TMC7: variants seen among roughly 807,000 people sequenced by gnomAD.
The protein encoded by TMC7 is transmembrane channel like 7.
In TMC7, 54 loss-of-function variants were observed where a neutral mutation model predicts 82.9. The ratio of observed to expected loss-of-function variants is 0.65; its 90% CI spans 0.52 to 0.82. The LOEUF (loss-of-function observed/expected upper bound fraction) is 0.82, where lower values mean the gene tolerates loss of function less well. TMC7 is among the 40% of genes least tolerant of loss of function. TMC7 has a pLI of 0.00. For synonymous variants in TMC7, 350 were observed against 337.9 expected (o/e 1.04, Z -0.39); for missense variants, 820 against 901.2 (o/e 0.91, Z 1.15).
intron 13 of TMC7, among the ~76,000 whole-genome samples, chr16:19,056,229 G>A (rs1421036635): frequency 6.6e-6 from 1 of 151,838 alleles, no homozygotes; most frequent in Admixed American, 6.6e-5. Flanking sequence ...AGCTGGGTGG[G>A]CATGCACCAC....
At chr16:19,050,323 C>T (rs1041114199) in intron 12 of TMC7, among the ~76,000 whole-genome samples, 3 of 132,750 alleles carry the variant, frequency 2.3e-5, no homozygotes, top group Non-Finnish European at 4.6e-5. Flanking sequence ...GCCGAGATCG[C>T]GCTACTACAC....
intron 1 of TMC7, among the ~76,000 whole-genome samples, chr16:18,989,848 T>A (rs558189232): frequency 2.6e-5 from 4 of 151,724 alleles, no homozygotes; most frequent in South Asian, 2.1e-4. Flanking sequence ...TTTGAGATGA[T>A]ATCTAGCTCT....
intron 11 of TMC7, among the ~76,000 whole-genome samples, chr16:19,046,850 T>G (rs1035875005): frequency 1.4e-5 from 2 of 147,728 alleles, no homozygotes; most frequent in Non-Finnish European, 3.0e-5. Flanking sequence ...AAAAAAAAAG[T>G]CAAGGATTGT....
rs1460083689 is a variant in TMC7, at chr16:19,021,504, A to G, written c.461-125A>G. The G allele has an allele frequency of 2.8e-6, 3 of 1,058,578 alleles. No individual in the cohort carries two copies. In the East Asian group the frequency reaches 7.3e-5, roughly 26 times the overall value. 65.6% of individuals were successfully genotyped at this position (1,058,578 alleles called of 1,614,324 possible). A position where few individuals can be genotyped will look rare whatever the true frequency, so the allele number is the denominator to read the frequency against. ...CTTAAAGCTAACAATTGAGAAAAAA[A>G]TAAAACGTTTCTTCCTCCTTCCAGC... On this transcript the variant is annotated intron_variant, in intron 3 of 15. Transcript: ENST00000304381.
At chr16:19,014,947 A>T (rs1959602163) in intron 2 of TMC7, among the ~76,000 whole-genome samples, 1 of 151,662 alleles carries the variant, frequency 6.6e-6, no homozygotes, top group African/African-American at 2.4e-5. Flanking sequence ...TTTTATTTTT[A>T]TTATTTTTAT....
At chr16:19,007,880 C>T (rs942757426) in intron 1 of TMC7, among the ~76,000 whole-genome samples, 5 of 151,792 alleles carry the variant, frequency 3.3e-5, no homozygotes, top group Non-Finnish European at 2.9e-5. Context: ...ATATAACTGC[C>T]GCGTGAGTAG....
At chr16:19,061,594 A>T (rs988749085) in intron 15 of TMC7, among the ~76,000 whole-genome samples, 184 bp from the exon 16 acceptor site, 55 of 152,178 alleles carry the variant, frequency 3.6e-4, no homozygotes, top group African/African-American at 1.2e-3. Context: ...TGTACTGTGC[A>T]TTTTTTAAAA....
rs554963646 is a variant in TMC7 at position 19,060,605 on chromosome 16, G to A, written c.2106+1111G>A. 2.0e-5 allele frequency among the ~76,000 whole-genome samples: 3 copies of A among 152,210 alleles called. No individual in the cohort carries two copies. In the South Asian group the frequency reaches 6.2e-4, roughly 32 times the overall value. On this transcript the variant is annotated intron_variant, in intron 15 of 15. Coordinates refer to ENST00000304381, the MANE Select transcript of TMC7 (RefSeq NM_024847.4). ...AGAGCACAGTAAAGAAATGAGCCAG[G>A]CACTTCAGGGGGACAGGAGGGAGGG...
chr16:19,018,937 G>A (rs1002628950), intron 3 of TMC7, among the ~76,000 whole-genome samples: 3 of 152,126 alleles, frequency 2.0e-5, no homozygotes, highest in Non-Finnish European at 4.4e-5. Flanking sequence ...TGCAACCTCC[G>A]CCTCACAAGT....
intron 1 of TMC7, among the ~76,000 whole-genome samples, chr16:19,003,287 C>T (rs1424190514): frequency 4.6e-5 from 7 of 152,246 alleles, no homozygotes; most frequent in African/African-American, 1.7e-4. Flanking sequence ...ACACTCCAGC[C>T]TGGGCAATAG....
chr16:19,039,894 T>C (rs1170655150), intron 8 of TMC7, among the ~76,000 whole-genome samples: 2 of 151,896 alleles, frequency 1.3e-5, no homozygotes, highest in Non-Finnish European at 2.9e-5. Context: ...AGCGGGTGGA[T>C]CACCTGAGGT....
At chr16:19,004,904 T>C (rs1245853616) in intron 1 of TMC7, among the ~76,000 whole-genome samples, 2 of 151,810 alleles carry the variant, frequency 1.3e-5, no homozygotes, top group South Asian at 4.2e-4. Flanking sequence ...AGTCTTGTTA[T>C]GTTGACCAAG....
At chr16:19,023,287 G>A (rs989533489) in intron 5 of TMC7, 92 bp downstream of exon 5, 14 of 755,680 alleles carry the variant, frequency 1.9e-5, no homozygotes, top group Non-Finnish European at 3.0e-5. Flanking sequence ...TGCAGTGAGA[G>A]CTAAACACAA....
chr16:19,003,970 C>T (rs544519413), intron 1 of TMC7, among the ~76,000 whole-genome samples: 1 of 138,784 alleles, frequency 7.2e-6, no homozygotes, highest in East Asian at 2.1e-4. Flanking sequence ...CTTCCCTCCA[C>T]TATTGTCCCA....
intron 1 of TMC7, among the ~76,000 whole-genome samples, chr16:18,995,741 C>T (rs1422395623): frequency 6.6e-6 from 1 of 152,144 alleles, no homozygotes; most frequent in Admixed American, 6.5e-5. Flanking sequence ...TACTTGGCTG[C>T]ATCTACTCTA....
At chr16:19,051,304 AG>A (rs1961527626) in intron 12 of TMC7, among the ~76,000 whole-genome samples, 1 of 148,766 alleles carries the variant, frequency 6.7e-6, no homozygotes, top group Admixed American at 6.8e-5. Flanking sequence ...CACAACGTGC[AG>A]GTTTGTTACA....
intron 5 of TMC7, among the ~76,000 whole-genome samples, chr16:19,027,572 C>A (rs1358349828): frequency 1.3e-5 from 2 of 152,104 alleles, no homozygotes; most frequent in Non-Finnish European, 2.9e-5. Context: ...CCCAGCCGAC[C>A]TTTCCCCTGT....
At chr16:19,006,096 C>G (rs560668122) in intron 1 of TMC7, among the ~76,000 whole-genome samples, 1 of 152,194 alleles carries the variant, frequency 6.6e-6, no homozygotes. Flanking sequence ...CTGTGTGTGC[C>G]GAGCACTGCC....
rs779378951 is a variant in TMC7, at chr16:19,061,921, C to A, written c.*78C>A. 74 of 1,301,294 alleles carry A rather than the reference C, an allele frequency of 5.7e-5. No homozygotes were observed. Among genetic ancestry groups the A allele is most frequent in the Non-Finnish European group, 7.3e-5 (68 of 935,846 alleles). 80.6% of individuals were successfully genotyped at this position (1,301,294 alleles called of 1,614,324 possible). On this transcript the variant is annotated 3_prime_UTR_variant, in exon 16 of 16. Coordinates refer to ENST00000304381, the MANE Select transcript of TMC7 (RefSeq NM_024847.4). ...ATTCTGCTGAGCCTACAGAGTCTAC[C>A]TGGGTTTTGAGTGGACATTTAAAAA...
Sources: gnomAD v4.1 joint callset for allele counts (sites outside exome capture counted in the v4.1 genomes callset) on GRCh38, gnomAD v4.1.1 for gene constraint, MANE v1.5 for transcripts, NCBI Gene and HGNC (gene_info 2026-07-23, HGNC 2026-07-21) for gene names.